Variants in STK38L observed in about 807,000 individuals in gnomAD.
The protein encoded by STK38L is serine/threonine-protein kinase 38-like.
Under a neutral mutation model 59.7 loss-of-function variants are expected in STK38L, and 28 were observed. The ratio of observed to expected loss-of-function variants is 0.47; its 90% CI spans 0.35 to 0.64. The LOEUF is 0.64. Among genes scored for constraint, STK38L ranks in the 30% least tolerant of loss-of-function variants. The probability of loss-of-function intolerance (pLI) is 0.01; values close to 1 mark genes in which losing one functional copy is unlikely to be tolerated. For synonymous variants in STK38L, 162 were observed against 176.8 expected (o/e 0.92, Z 0.66); for missense variants, 314 against 555.8 (o/e 0.56, Z 4.37).
intron 6 of STK38L, among the ~76,000 whole-genome samples, 198 bp from the exon 7 acceptor site, chr12:27,314,306 C>T (rs1280196897): frequency 1.3e-5 from 2 of 148,742 alleles, no homozygotes; most frequent in Non-Finnish European, 3.0e-5. Context: ...GTGGCTGAGG[C>T]ATGAAAACTG....
chr12:27,271,863 C>T (rs1231861295), intron 1 of STK38L, among the ~76,000 whole-genome samples: 1 of 152,116 alleles, frequency 6.6e-6, no homozygotes, highest in Non-Finnish European at 1.5e-5. Context: ...CCGTGCCTGG[C>T]TAACTTTTGT....
chr12:27,268,388 C>T (rs1443983823), intron 1 of STK38L, among the ~76,000 whole-genome samples: 2 of 152,046 alleles, frequency 1.3e-5, no homozygotes, highest in African/African-American at 4.8e-5. Context: ...TTGTCCTTGC[C>T]ATAGTTTGCT....
At chr12:27,270,268 T>C (rs181722643) in intron 1 of STK38L, among the ~76,000 whole-genome samples, 1 of 152,088 alleles carries the variant, frequency 6.6e-6, no homozygotes, top group African/African-American at 2.4e-5. Flanking sequence ...AGGGCAGTTA[T>C]GTGATCACGG....
chr12:27,323,032 T>C lies in STK38L; in HGVS notation c.*577T>C, dbSNP rs1944767740. 6.6e-6 allele frequency: 1 copy of C among 152,220 alleles called. No homozygotes were observed. Among genetic ancestry groups the C allele is most frequent in the African/African-American group, 2.4e-5 (1 of 41,464 alleles). The allele number at this position is 152,220 out of a possible 1,614,324, so 9.4% of individuals were successfully genotyped here. ...AGAAATTCACTGGTTCTTTACAAAA[T>C]AGAATTTATCATCAAGTTATTACAC... On this transcript the variant is annotated 3_prime_UTR_variant, in exon 14 of 14. Coordinates refer to ENST00000389032, the MANE Select transcript of STK38L (RefSeq NM_015000.4).
intron 1 of STK38L, among the ~76,000 whole-genome samples, chr12:27,276,192 A>G (rs572603506): frequency 1.2e-4 from 18 of 152,194 alleles, no homozygotes; most frequent in Non-Finnish European, 2.1e-4. Flanking sequence ...TTCTCAAACC[A>G]TGACCAATCT....
intron 1 of STK38L, among the ~76,000 whole-genome samples, chr12:27,264,477 T>C (rs1943262052): frequency 6.6e-6 from 1 of 152,152 alleles, no homozygotes; most frequent in Non-Finnish European, 1.5e-5. Context: ...AGATTAGCTG[T>C]GGGGAAAAAG....
chr12:27,267,006 T>C (rs552297465), intron 1 of STK38L, among the ~76,000 whole-genome samples: 3 of 152,330 alleles, frequency 2.0e-5, no homozygotes, highest in Admixed American at 2.0e-4. Flanking sequence ...TTTATATCAT[T>C]GCTTTGTTTT....
intron 1 of STK38L, among the ~76,000 whole-genome samples, chr12:27,286,812 G>T (rs142825285): frequency 2.0e-5 from 3 of 152,112 alleles, no homozygotes; most frequent in African/African-American, 7.2e-5. Flanking sequence ...GGACAGAAAG[G>T]CACCTCATAA....
chr12:27,245,538 A>G (rs1182310382), intron 1 of STK38L: 1 of 152,030 alleles, frequency 6.6e-6, no homozygotes, highest in East Asian at 1.9e-4. Flanking sequence ...CTTTGTCTCA[A>G]TCATATATGT....
Position 27,264,604 on chromosome 12 carries a change from T to TA in STK38L, c.-12+20278dup, listed in dbSNP as rs1302879016. On this transcript the variant is annotated intron_variant, in intron 1 of 13. Transcript: ENST00000389032. ...ATTGTCAGAAAAAACAATACAACAA[T>TA]AAAAAATGATACAAATAAAAAACAG... Among the ~76,000 whole-genome samples, 3 of 152,062 alleles carry TA rather than the reference T, an allele frequency of 2.0e-5. No individual in the cohort carries two copies. The South Asian group carries it at 6.2e-4, about 31-fold the overall frequency.
At chr12:27,261,163 C>A (rs1401068230) in intron 1 of STK38L, among the ~76,000 whole-genome samples, 2 of 152,104 alleles carry the variant, frequency 1.3e-5, no homozygotes, top group East Asian at 3.8e-4. Flanking sequence ...ATTTCTTTTC[C>A]TATTTGAGAG....
chr12:27,299,959 C>A (rs567946038), intron 2 of STK38L, among the ~76,000 whole-genome samples: 1 of 152,134 alleles, frequency 6.6e-6, no homozygotes, highest in African/African-American at 2.4e-5. Context: ...TGGAAGTGAT[C>A]AGACCATCCT....
chr12:27,297,691 T>G lies in STK38L; in HGVS notation c.-11-19T>G, dbSNP rs748190907. On this transcript the variant is annotated intron_variant, in intron 1 of 13. Coordinates refer to ENST00000389032, the MANE Select transcript of STK38L (RefSeq NM_015000.4). ...GTTTTTTTTCCCACTGAATAATTTGTTTTTCTATGTTGTTTCAGTTTCCGT... is the reference window on the plus strand; with the variant it reads ...GTTTTTTTTCCCACTGAATAATTTGGTTTTCTATGTTGTTTCAGTTTCCGT... 15 of 1,585,636 alleles carry G rather than the reference T, an allele frequency of 9.5e-6. No homozygotes were observed. The highest frequency in any genetic ancestry group is 1.3e-5 in the Non-Finnish European group (15 of 1,166,534).
intron 6 of STK38L, among the ~76,000 whole-genome samples, chr12:27,313,090 T>C (rs967588701): frequency 6.6e-6 from 1 of 151,588 alleles, no homozygotes; most frequent in Non-Finnish European, 1.5e-5. Context: ...CTACTAAAAA[T>C]AAAAAAAATT....
chr12:27,290,364 C>T (rs564579545), intron 1 of STK38L, among the ~76,000 whole-genome samples: 2 of 152,288 alleles, frequency 1.3e-5, no homozygotes, highest in South Asian at 2.1e-4. Flanking sequence ...ACCATCAAAG[C>T]GTCATATCAA....
At chr12:27,269,645 A>G (rs1169622013) in intron 1 of STK38L, among the ~76,000 whole-genome samples, 1 of 152,004 alleles carries the variant, frequency 6.6e-6, no homozygotes, top group East Asian at 1.9e-4. Flanking sequence ...AGACCTTTCT[A>G]TCTTTTTTTA....
intron 1 of STK38L, among the ~76,000 whole-genome samples, chr12:27,286,335 T>C (rs55743902): frequency 0.12 from 17,752 of 152,216 alleles, 1,196 homozygotes; most frequent in Non-Finnish European, 0.16. Context: ...TTTCCTATTA[T>C]TGAAAATTTG....
At chr12:27,297,934 G>T in intron 2 of STK38L, 80 bp downstream of exon 2, 1 of 1,511,076 alleles carries the variant, frequency 6.6e-7, no homozygotes. Flanking sequence ...TGTTTACCAT[G>T]AATGATATGA....
chr12:27,245,621 A>C (rs1270885197), intron 1 of STK38L: 1 of 152,102 alleles, frequency 6.6e-6, no homozygotes, highest in Non-Finnish European at 1.5e-5. Flanking sequence ...TAAAACAATT[A>C]AGTTTATTAT....
Sources: gnomAD v4.1 joint callset for allele counts (sites outside exome capture counted in the v4.1 genomes callset) on GRCh38, gnomAD v4.1.1 for gene constraint, MANE v1.5 for transcripts, NCBI Gene and HGNC (gene_info 2026-07-23, HGNC 2026-07-21) for gene names.